LRRC8A: variants seen among roughly 807,000 people sequenced by gnomAD.
LRRC8A encodes volume-regulated anion channel subunit LRRC8A.
A neutral mutation model predicts 52.5 loss-of-function variants in LRRC8A; 24 were observed. The ratio of observed to expected loss-of-function variants is 0.46; its 90% CI spans 0.33 to 0.64. The LOEUF is 0.64. LRRC8A is among the 30% of genes least tolerant of loss of function. LRRC8A has a pLI of 0.02. For synonymous variants in LRRC8A, 492 were observed against 494.2 expected, an observed-to-expected ratio of 1.00 and a Z score of 0.06; for missense variants, 677 against 1,094.7, an observed-to-expected ratio of 0.62 and a Z score of 5.38.
At chr9:128,915,153 T>C (rs1172600024) in intron 3 of LRRC8A, among the ~76,000 whole-genome samples, 1 of 152,096 alleles carries the variant, frequency 6.6e-6, no homozygotes, top group Non-Finnish European at 1.5e-5. Context: ...TGCATACGGG[T>C]GTCGTCTGTT....
In LRRC8A at chr9:128,911,158, A is replaced by G. The variant is rs1424581235; in HGVS notation, c.2157+1837A>G. 6.6e-6 allele frequency among the ~76,000 whole-genome samples: 1 copy of G among 151,958 alleles called. No homozygotes were observed. The highest frequency in any genetic ancestry group is 1.5e-5 in the Non-Finnish European group (1 of 67,962). On this transcript the variant is annotated intron_variant, in intron 3 of 3. Transcript: ENST00000372600. This position sits in a 1 kb window ranked among gnomAD's most constrained non-coding sequence, Gnocchi z 4.9. ...TGCCCTGTCTGTCCTCCTGGGCCCCAGGACAGGACACACCTTCTCCAGCAT... is the reference window on the plus strand; with the variant it reads ...TGCCCTGTCTGTCCTCCTGGGCCCCGGGACAGGACACACCTTCTCCAGCAT...
intron 3 of LRRC8A, among the ~76,000 whole-genome samples, chr9:128,914,835 A>C (rs1054476439): frequency 6.6e-6 from 1 of 152,230 alleles, no homozygotes; most frequent in African/African-American, 2.4e-5. Flanking sequence ...GCAGCAGGGC[A>C]GGGAAGAAGC....
Position 128,907,089 on chromosome 9 carries a change from C to T in LRRC8A, c.-8-68C>T, listed in dbSNP as rs547567472. ...TGGAAGAATTTTCATTGTCTTCTTCCCCTGACCCCTGGTCCTAGGAAAGCC... is the reference window on the plus strand; with the variant it reads ...TGGAAGAATTTTCATTGTCTTCTTCTCCTGACCCCTGGTCCTAGGAAAGCC... On this transcript the variant is annotated intron_variant, in intron 2 of 3. Transcript: ENST00000372600. The surrounding 1 kb of genome is among the most constrained non-coding windows in gnomAD (Gnocchi z 9.3). 4.0e-6 allele frequency: 5 copies of T among 1,251,848 alleles called. No homozygotes were observed. The African/African-American group carries it at 7.5e-5, about 19-fold the overall frequency. The allele number at this position is 1,251,848 out of a possible 1,614,324, so 77.5% of individuals were successfully genotyped here.
At chr9:128,895,187 C>T (rs1385531680) in intron 2 of LRRC8A, among the ~76,000 whole-genome samples, 1 of 152,108 alleles carries the variant, frequency 6.6e-6, no homozygotes, top group Non-Finnish European at 1.5e-5. Context: ...GGGGTCACTG[C>T]ATACACATCT....
rs985872440 is a variant in LRRC8A at position 128,899,111 on chromosome 9, C to T, written c.-8-8046C>T. On this transcript the variant is annotated intron_variant, in intron 2 of 3. Transcript: ENST00000372600. The surrounding 1 kb of genome is among the most constrained non-coding windows in gnomAD (Gnocchi z 4.0). Reference sequence around the variant, plus strand: ...AGTCCAGGCTGGGCAGAGGCCTGGGCGCACCCACCCCTTGGCCCATTTTTT... The same window carrying T: ...AGTCCAGGCTGGGCAGAGGCCTGGGTGCACCCACCCCTTGGCCCATTTTTT... 5.3e-5 allele frequency among the ~76,000 whole-genome samples: 8 copies of T among 152,162 alleles called. No individual in the cohort carries two copies. Among genetic ancestry groups the T allele is most frequent in the Admixed American group, 1.3e-4 (2 of 15,270 alleles).
intron 2 of LRRC8A, among the ~76,000 whole-genome samples, chr9:128,905,355 G>T (rs913174020): frequency 6.6e-6 from 1 of 152,038 alleles, no homozygotes; most frequent in Non-Finnish European, 1.5e-5. Flanking sequence ...TTATCCCTCC[G>T]TGACAGCCAT....
At chr9:128,910,405 G>A (rs1359349977) in intron 3 of LRRC8A, among the ~76,000 whole-genome samples, 3 of 152,190 alleles carry the variant, frequency 2.0e-5, no homozygotes, top group Non-Finnish European at 2.9e-5. Flanking sequence ...GAAGAGACTC[G>A]GAGTTGACCA....
chr9:128,896,518 A>G (rs925892937), intron 2 of LRRC8A, among the ~76,000 whole-genome samples: 2 of 152,128 alleles, frequency 1.3e-5, no homozygotes, highest in African/African-American at 4.8e-5. Context: ...TGGGGGAGTG[A>G]AGTGATATGT....
chr9:128,890,286 G>GCGTC, intron 2 of LRRC8A, among the ~76,000 whole-genome samples: 1 of 152,050 alleles, frequency 6.6e-6, no homozygotes, highest in Admixed American at 6.6e-5. Flanking sequence ...ATGCGTTTCT[G>GCGTC]TTGCGTCTTG....
intron 2 of LRRC8A, among the ~76,000 whole-genome samples, chr9:128,888,536 T>A (rs1194602021): frequency 6.6e-6 from 1 of 152,020 alleles, no homozygotes; most frequent in African/African-American, 2.4e-5. Context: ...CCTTTCAAGT[T>A]TTAGTTCTGA....
At position 128,902,926 on chromosome 9, in the gene LRRC8A, G is replaced by A. The variant is rs901240244; in HGVS notation, c.-8-4231G>A. 3.3e-5 allele frequency among the ~76,000 whole-genome samples: 5 copies of A among 152,148 alleles called. No homozygotes were observed. The highest frequency in any genetic ancestry group is 7.2e-5 in the African/African-American group (3 of 41,430). On this transcript the variant is annotated intron_variant, in intron 2 of 3. Transcript: ENST00000372600. This position sits in a 1 kb window ranked among gnomAD's most constrained non-coding sequence, Gnocchi z 4.1. ...CTGCTGGCCCCTTTGTGACCTGAGC[G>A]CTGGTAATGCTGAGGGGCGGGGAAG...
At chr9:128,882,468 G>T (rs1425272856) in intron 1 of LRRC8A, 7 of 370,332 alleles carry the variant, frequency 1.9e-5, no homozygotes, top group Non-Finnish European at 3.4e-5. Context: ...TCCGCGGCGC[G>T]CGAGCCCCCT....
chr9:128,903,391 C>T (rs1341360494), intron 2 of LRRC8A, among the ~76,000 whole-genome samples: 2 of 151,358 alleles, frequency 1.3e-5, no homozygotes, highest in Non-Finnish European at 2.9e-5. Flanking sequence ...GAGTGTTTGG[C>T]ATTTGCAGAG....
At chr9:128,905,583 T>G (rs1840213376) in intron 2 of LRRC8A, among the ~76,000 whole-genome samples, 2 of 152,098 alleles carry the variant, frequency 1.3e-5, no homozygotes, top group Admixed American at 6.6e-5. Flanking sequence ...GGTGGCTCAC[T>G]CCTGTAATCC....
At chr9:128,913,270 T>A (rs1233171321) in intron 3 of LRRC8A, among the ~76,000 whole-genome samples, 1 of 152,022 alleles carries the variant, frequency 6.6e-6, no homozygotes, top group Non-Finnish European at 1.5e-5. Flanking sequence ...TTCCTGCAGT[T>A]GGTCAGGAAG....
At chr9:128,893,375 A>G (rs60467686) in intron 2 of LRRC8A, among the ~76,000 whole-genome samples, 17 of 152,304 alleles carry the variant, frequency 1.1e-4, no homozygotes, top group African/African-American at 4.1e-4. Context: ...CCGGTGCTGT[A>G]TTGACACATG....
At position 128,902,813 on chromosome 9, in the gene LRRC8A, G is replaced by A. The variant is rs763363861; in HGVS notation, c.-8-4344G>A. Among the ~76,000 whole-genome samples the A allele has an allele frequency of 6.6e-6, 1 of 152,186 alleles. No individual in the cohort carries two copies. Among genetic ancestry groups the A allele is most frequent in the Non-Finnish European group, 1.5e-5 (1 of 68,024 alleles). The stretch of plus-strand genomic sequence containing the variant: ...GAGGGCCCGGGCCTTCCTGTGGGGC[G>A]GGTGCTTGCCCTGGCCCGTGAGTCC... On this transcript the variant is annotated intron_variant, in intron 2 of 3. Coordinates refer to ENST00000372600, the MANE Select transcript of LRRC8A (RefSeq NM_019594.4). This position sits in a 1 kb window ranked among gnomAD's most constrained non-coding sequence, Gnocchi z 4.1.
chr9:128,905,463 A>G (rs10118140), intron 2 of LRRC8A, among the ~76,000 whole-genome samples: 100,738 of 152,082 alleles, frequency 0.66, 34,332 homozygotes, highest in Admixed American at 0.77. Flanking sequence ...CCTCCTGTGT[A>G]GCACAGTCTG....
chr9:128,899,163 G>T lies in LRRC8A; in HGVS notation c.-8-7994G>T, dbSNP rs1443774817. Among the ~76,000 whole-genome samples, 1 of 152,212 alleles carries T rather than the reference G, an allele frequency of 6.6e-6. No homozygotes were observed. The highest frequency in any genetic ancestry group is 1.5e-5 in the Non-Finnish European group (1 of 68,038). ...CACAACATGGACACATGTTTAACAG[G>T]TTTGCTGCTCCTTTCTATACAGGGA... On this transcript the variant is annotated intron_variant, in intron 2 of 3. Coordinates refer to ENST00000372600, the MANE Select transcript of LRRC8A (RefSeq NM_019594.4). This position sits in a 1 kb window ranked among gnomAD's most constrained non-coding sequence, Gnocchi z 4.0.
Sources: allele counts gnomAD v4.1 joint callset (sites outside exome capture counted in the v4.1 genomes callset), GRCh38; gene constraint gnomAD v4.1.1; non-coding constraint Gnocchi (gnomAD v3.1); transcripts MANE v1.5; gene names NCBI Gene and HGNC (gene_info 2026-07-23, HGNC 2026-07-21).